SLC7A1: variants seen among roughly 807,000 people sequenced by gnomAD.
The protein encoded by SLC7A1 is high affinity cationic amino acid transporter 1.
Under a neutral mutation model 53.9 loss-of-function variants are expected in SLC7A1, and 10 were observed. The ratio of observed to expected loss-of-function variants is 0.19; its 90% CI spans 0.11 to 0.31. The LOEUF (loss-of-function observed/expected upper bound fraction) is 0.31. Ranked by LOEUF, SLC7A1 falls within the 10% of genes least tolerant of loss-of-function variation. The probability of loss-of-function intolerance (pLI) is 1.00; values close to 1 mark genes in which losing one functional copy is unlikely to be tolerated. For missense variants in SLC7A1, 525 were observed against 827.2 expected, an observed-to-expected ratio of 0.63 and a Z score of 4.48; for synonymous variants, 342 against 338.7, an observed-to-expected ratio of 1.01 and a Z score of -0.11.
Position 29,509,689 on chromosome 13 carries a change from C to T in SLC7A1, c.*4791G>A, listed in dbSNP as rs573177147. 6 of 151,916 alleles carry T rather than the reference C, an allele frequency of 3.9e-5. No homozygotes were observed. Among genetic ancestry groups the T allele is most frequent in the South Asian group, 4.2e-4 (2 of 4,790 alleles). 9.4% of individuals were successfully genotyped at this position (151,916 alleles called of 1,614,324 possible). A position where few individuals can be genotyped will look rare whatever the true frequency, so the allele number is the denominator to read the frequency against. On this transcript the variant is annotated 3_prime_UTR_variant, in exon 13 of 13. Coordinates refer to ENST00000380752, the MANE Select transcript of SLC7A1 (RefSeq NM_003045.5). The stretch of plus-strand genomic sequence containing the variant: ...AATCTAGTATCACAACTTTAAGAAA[C>T]TAAAAGAAAACTATTAGAAAAATAG...
chr13:29,554,221 G>T (rs542944916), intron 1 of SLC7A1, among the ~76,000 whole-genome samples: 1 of 152,302 alleles, frequency 6.6e-6, no homozygotes, highest in South Asian at 2.1e-4. Flanking sequence ...CCGGTCAGGC[G>T]CCATGAAGGG....
intron 2 of SLC7A1, among the ~76,000 whole-genome samples, chr13:29,543,239 G>C (rs542060739): frequency 1.3e-5 from 2 of 152,346 alleles, no homozygotes; most frequent in Admixed American, 1.3e-4. Context: ...GGGAAAAAAG[G>C]TGGCCTTCCA....
At chr13:29,533,888 G>A (rs547488591) in intron 3 of SLC7A1, among the ~76,000 whole-genome samples, 5 of 152,216 alleles carry the variant, frequency 3.3e-5, no homozygotes, top group Admixed American at 1.3e-4. Context: ...GGGCCTTGTC[G>A]GTGACCATGG....
At chr13:29,592,586 ACT>A (rs2139198088) in intron 1 of SLC7A1, among the ~76,000 whole-genome samples, 1 of 152,276 alleles carries the variant, frequency 6.6e-6, no homozygotes, top group African/African-American at 2.4e-5. Context: ...CATGACCCAC[ACT>A]GAACCACAGG....
chr13:29,567,517 T>C (rs576460751), intron 1 of SLC7A1, among the ~76,000 whole-genome samples: 4 of 152,176 alleles, frequency 2.6e-5, no homozygotes, highest in South Asian at 2.1e-4. Flanking sequence ...GGGAGACAAA[T>C]TTTGGGATGC....
chr13:29,530,509 A>G, intron 5 of SLC7A1, 29 bp downstream of exon 5: 1 of 1,607,592 alleles, frequency 6.2e-7, no homozygotes, highest in South Asian at 1.1e-5. Flanking sequence ...AATGTCAACT[A>G]AGAAAAATGG....
chr13:29,583,021 A>T lies in SLC7A1; in HGVS notation c.-115+12395T>A, dbSNP rs140359913. Reference sequence around the variant, plus strand: ...AAATGTTTCCTGCTTTGTGTGCTACATTTCCAGAAACAATACGCTCCAGTT... The same window carrying T: ...AAATGTTTCCTGCTTTGTGTGCTACTTTTCCAGAAACAATACGCTCCAGTT... On this transcript the variant is annotated intron_variant, in intron 1 of 12. Transcript: ENST00000380752. Among the ~76,000 whole-genome samples the T allele has an allele frequency of 2.3e-3, 354 of 152,314 alleles. 1 individual carries two copies. The highest frequency in any genetic ancestry group is 8.2e-3 in the African/African-American group (340 of 41,566).
intron 1 of SLC7A1, among the ~76,000 whole-genome samples, chr13:29,579,919 T>TC (rs1871570443): frequency 6.6e-6 from 1 of 152,268 alleles, no homozygotes; most frequent in Admixed American, 6.5e-5. Flanking sequence ...GAGGTCTCTG[T>TC]CATCGTCCTC....
chr13:29,513,579 G>A lies in SLC7A1; in HGVS notation c.*901C>T, dbSNP rs1176422609. ...CATGGGAGGGCAAGACTGAGTGAAC[G>A]GTGGCGACTCACAGGAAACAGACTT... On this transcript the variant is annotated 3_prime_UTR_variant, in exon 13 of 13. Transcript: ENST00000380752. 5 of 152,764 alleles carry A rather than the reference G, an allele frequency of 3.3e-5. No homozygotes were observed. Among genetic ancestry groups the A allele is most frequent in the African/African-American group, 4.8e-5 (2 of 41,458 alleles). 9.5% of individuals were successfully genotyped at this position (152,764 alleles called of 1,614,324 possible).
intron 2 of SLC7A1, among the ~76,000 whole-genome samples, chr13:29,546,366 T>C (rs1869923857): frequency 6.6e-6 from 1 of 152,232 alleles, no homozygotes; most frequent in Admixed American, 6.5e-5. Flanking sequence ...TTAAACAAAG[T>C]TCCCCCAAGA....
At chr13:29,524,634 G>A (rs1451950038) in intron 5 of SLC7A1, among the ~76,000 whole-genome samples, 1 of 152,188 alleles carries the variant, frequency 6.6e-6, no homozygotes, top group Non-Finnish European at 1.5e-5. Flanking sequence ...AGAGCCGCCA[G>A]CCAGTCCTAC....
At chr13:29,516,921 T>C (rs1883574541) in intron 11 of SLC7A1, 1 of 455,576 alleles carries the variant, frequency 2.2e-6, no homozygotes, top group Admixed American at 3.9e-5. Context: ...CAGCCTGCCC[T>C]TGACTACTCA....
At chr13:29,585,510 G>A (rs1323079866) in intron 1 of SLC7A1, among the ~76,000 whole-genome samples, 1 of 151,818 alleles carries the variant, frequency 6.6e-6, no homozygotes, top group Non-Finnish European at 1.5e-5. Context: ...CTCTGTGTGT[G>A]TACTTGATTA....
At chr13:29,576,971 G>T (rs1871438516) in intron 1 of SLC7A1, among the ~76,000 whole-genome samples, 1 of 152,060 alleles carries the variant, frequency 6.6e-6, no homozygotes. Flanking sequence ...GAGGGGCCCT[G>T]GTCCTAGCCT....
intron 1 of SLC7A1, among the ~76,000 whole-genome samples, chr13:29,555,239 T>C (rs1011912011): frequency 1.4e-5 from 2 of 144,186 alleles, no homozygotes; most frequent in African/African-American, 5.1e-5. Context: ...GCGCCTGTAG[T>C]CCCAGCTACT....
At position 29,514,463 on chromosome 13, in the gene SLC7A1, GGGGGC is replaced by G; in HGVS notation, c.*12_*16del. 6.3e-7 allele frequency: 1 copy of G among 1,596,568 alleles called. No homozygotes were observed. Among genetic ancestry groups the G allele is most frequent in the Non-Finnish European group, 8.5e-7 (1 of 1,171,922 alleles). On this transcript the variant is annotated 3_prime_UTR_variant, in exon 13 of 13. Coordinates refer to ENST00000380752, the MANE Select transcript of SLC7A1 (RefSeq NM_003045.5). ...TCCCTCGGGGCTGCTGCCACCTCCG[GGGGGC>G]GGGGCTGTGCGTCACTTGCACTGGT...
chr13:29,548,304 T>C (rs1312811810), intron 2 of SLC7A1, among the ~76,000 whole-genome samples: 1 of 152,238 alleles, frequency 6.6e-6, no homozygotes, highest in African/African-American at 2.4e-5. Context: ...GGTTAGGAGC[T>C]ATACATTGGA....
Position 29,569,949 on chromosome 13 carries a change from GCCTGGCCA to G in SLC7A1, c.-114-16097_-114-16090del, listed in dbSNP as rs1288124184. On this transcript the variant is annotated intron_variant, in intron 1 of 12. Transcript: ENST00000380752. ...AAACAAAGCACACGGCTGCTGGCTA[GCCTGGCCA>G]CAGACGTCCTGGTCACATTACACAA... 2.0e-5 allele frequency among the ~76,000 whole-genome samples: 3 copies of G among 152,206 alleles called. No homozygotes were observed. In the East Asian group the frequency reaches 5.8e-4, roughly 29 times the overall value.
intron 1 of SLC7A1, among the ~76,000 whole-genome samples, chr13:29,595,196 C>T (rs1376433264): frequency 6.6e-6 from 1 of 152,040 alleles, no homozygotes; most frequent in Non-Finnish European, 1.5e-5. Flanking sequence ...AAATGGACTC[C>T]GTGGAGGCGA....
Sources: gnomAD v4.1 joint callset for allele counts (sites outside exome capture counted in the v4.1 genomes callset) on GRCh38, gnomAD v4.1.1 for gene constraint, MANE v1.5 for transcripts, NCBI Gene and HGNC (gene_info 2026-07-23, HGNC 2026-07-21) for gene names.